Variants in SLC6A8 observed in about 807,000 individuals in gnomAD.
SLC6A8 encodes the protein sodium- and chloride-dependent creatine transporter 1.
Under a neutral mutation model 48.3 loss-of-function variants are expected in SLC6A8, and 6 were observed. The observed-to-expected ratio is 0.12, with a 90% confidence interval of 0.07 to 0.25. The LOEUF is 0.25. SLC6A8 is among the 10% of genes least tolerant of loss of function. The probability of loss-of-function intolerance (pLI) is 1.00; values close to 1 mark genes in which losing one functional copy is unlikely to be tolerated. For synonymous variants in SLC6A8, 245 were observed against 244.0 expected (o/e 1.00, Z -0.04); for missense variants, 260 against 551.5 (o/e 0.47, Z 5.29).
In SLC6A8 at chrX:153,695,419, T is replaced by C. The variant is rs782756960; in HGVS notation, c.*205T>C. On this transcript the variant is annotated 3_prime_UTR_variant, in exon 13 of 13. Transcript: ENST00000253122. ...CAAAAATATCACAACCCACCAAAAATAGATGCCTCTCCCCCTCCAGCCCTA... is the reference window on the plus strand; with the variant it reads ...CAAAAATATCACAACCCACCAAAAACAGATGCCTCTCCCCCTCCAGCCCTA... 1 of 451,685 alleles carries C rather than the reference T, an allele frequency of 2.2e-6. No homozygotes were observed. 37.2% of individuals were successfully genotyped at this position (451,685 alleles called of 1,213,427 possible).
intron 4 of SLC6A8, 172 bp from the exon 5 acceptor site, chrX:153,692,869 C>T: frequency 1.6e-6 from 1 of 631,734 alleles, no homozygotes; most frequent in South Asian, 2.4e-5. Flanking sequence ...CTGCACTTGG[C>T]CAGGGCTGCC....
Position 153,695,131 on chromosome X carries a change from C to T in SLC6A8, c.1825C>T (p.Gln609Ter). 8.3e-7 allele frequency: 1 copy of T among 1,202,358 alleles called. No individual in the cohort carries two copies. Among genetic ancestry groups the T allele is most frequent in the East Asian group, 3.0e-5 (1 of 33,524 alleles). Reference protein sequence around the residue: ...WGLHHLEYRAQDADVRGLTTL... With the variant: ...WGLHHLEYRA ...CCTCCACCACTTGGAGTACCGAGCT[C>T]AGGACGCAGATGTCAGGGGCCTGAC... The change falls in exon 13 of 13, where the codon CAG becomes TAG. Residue 609 changes from glutamine (Q) to a stop codon, truncating the protein, a stop_gained. Coordinates refer to ENST00000253122, the MANE Select transcript of SLC6A8 (RefSeq NM_005629.4). LOFTEE classifies it high-confidence loss of function.
chrX:153,694,971 C>A, intron 12 of SLC6A8, 82 bp downstream of exon 12: 8 of 1,133,520 alleles, frequency 7.1e-6, no homozygotes, highest in Non-Finnish European at 9.5e-6. Context: ...GGAGTGGCCC[C>A]GACTAGGGTG....
intron 4 of SLC6A8, chrX:153,692,691 C>T (rs1603216262): frequency 2.7e-6 from 1 of 367,413 alleles, no homozygotes; most frequent in South Asian, 2.6e-5. Context: ...CAATATCCCG[C>T]TCCCTGCCTG....
At position 153,696,365 on chromosome X, in the gene SLC6A8, G is replaced by A. The variant is rs1942817376; in HGVS notation, c.*1151G>A. ...CGGCTCCCACGTCCAGGCTTAAGGTGGATGCACTTCCCGCACCTCCAGTCT... is the reference window on the plus strand; with the variant it reads ...CGGCTCCCACGTCCAGGCTTAAGGTAGATGCACTTCCCGCACCTCCAGTCT... On this transcript the variant is annotated 3_prime_UTR_variant, in exon 13 of 13. Transcript: ENST00000253122. 1.5e-5 allele frequency: 5 copies of A among 330,016 alleles called. No individual in the cohort carries two copies. Among genetic ancestry groups the A allele is most frequent in the Non-Finnish European group, 2.9e-5 (5 of 169,740 alleles). The allele number at this position is 330,016 out of a possible 1,213,427, so 27.2% of individuals were successfully genotyped here. A position where few individuals can be genotyped will look rare whatever the true frequency, so the allele number is the denominator to read the frequency against.
chrX:153,694,820 G>T lies in SLC6A8; in HGVS notation c.1698G>T (p.Leu566=), dbSNP rs782287646. The T allele has an allele frequency of 2.5e-6, 3 of 1,210,108 alleles. No homozygotes were observed. In the South Asian group the frequency reaches 5.3e-5, roughly 21 times the overall value. ...AGGCCATGGGCTGGGCCTTCGCCCT[G>T]TCCTCCATGCTGTGCGTGCCGCTGC... ...WGEAMGWAFA[L]SSMLCVPLHL... is the part of the protein sequence containing the mutation. The change falls in exon 12 of 13, where the codon CTG becomes CTT. Residue 566 remains leucine (L), a synonymous_variant. Transcript: ENST00000253122.
intron 6 of SLC6A8, 28 bp downstream of exon 6, chrX:153,693,394 C>CCCTGT: frequency 1.7e-6 from 2 of 1,202,728 alleles, no homozygotes; most frequent in Non-Finnish European, 1.1e-6. Context: ...GCCACCCGTG[C>CCCTGT]CCTGTCCTGC....
chrX:153,695,043 G>C, intron 12 of SLC6A8, 31 bp from the exon 13 acceptor site: 1 of 1,187,441 alleles, frequency 8.4e-7, no homozygotes. Flanking sequence ...AGGTGACCCT[G>C]GGGGCTTCAG....
At chrX:153,692,248 C>G (rs1156368523) in intron 4 of SLC6A8, 141 bp downstream of exon 4, 5 of 634,702 alleles carry the variant, frequency 7.9e-6, no homozygotes, top group Non-Finnish European at 1.0e-5. Context: ...CCAAGCAATG[C>G]TCCCCACCCT....
chrX:153,692,761 C>G (rs782402367), intron 4 of SLC6A8: 13 of 439,995 alleles, frequency 3.0e-5, no homozygotes, highest in Non-Finnish European at 5.4e-5. Flanking sequence ...ACGTGCTCCA[C>G]GCCTCCTGTC....
In SLC6A8 at chrX:153,693,184, G is replaced by A. The variant is rs782694291; in HGVS notation, c.912+9G>A. 134 of 1,209,950 alleles carry A rather than the reference G, an allele frequency of 1.1e-4. 2 individuals are homozygous for A. In the Admixed American group the frequency reaches 2.9e-3, roughly 26 times the overall value. On this transcript the variant is annotated intron_variant, in intron 5 of 12. Transcript: ENST00000253122. ...AGCTGGGGTCCCCTCAGGTGAGGTG[G>A]AGGTGGAGAGGCTGCAGCAGGGCGC...
intron 7 of SLC6A8, 78 bp downstream of exon 7, chrX:153,693,664 A>C: frequency 9.3e-7 from 1 of 1,074,961 alleles, no homozygotes; most frequent in Non-Finnish European, 1.3e-6. Flanking sequence ...CATGCAATAG[A>C]AATGCTGAAA....
rs1167753983 is a variant in SLC6A8, at chrX:153,696,500, G to A, written c.*1286G>A. On this transcript the variant is annotated 3_prime_UTR_variant, in exon 13 of 13. Transcript: ENST00000253122. ...CCCAGACAGAGGCTGCAGGGCTGGG[G>A]CTGGGTGAGGGTGGCGGGCCTGCGG... 3 of 329,842 alleles carry A rather than the reference G, an allele frequency of 9.1e-6. No individual in the cohort carries two copies. Among genetic ancestry groups the A allele is most frequent in the African/African-American group, 2.6e-5 (1 of 38,028 alleles). The allele number at this position is 329,842 out of a possible 1,213,427, so 27.2% of individuals were successfully genotyped here. A position where few individuals can be genotyped will look rare whatever the true frequency, so the allele number is the denominator to read the frequency against.
chrX:153,694,052 G>T (rs782634544), intron 8 of SLC6A8, 35 bp downstream of exon 8: 30 of 1,185,614 alleles, frequency 2.5e-5, no homozygotes, highest in Non-Finnish European at 3.4e-5. Flanking sequence ...GAGCCAGGAG[G>T]GGGGCGGAGG....
rs782334798 is a variant in SLC6A8 at position 153,694,941 on chromosome X, C to G, written c.1767+52C>G. 1.5e-5 allele frequency: 12 copies of G among 820,441 alleles called. No individual in the cohort carries two copies. In the South Asian group the frequency reaches 1.9e-4, roughly 13 times the overall value. 67.6% of individuals were successfully genotyped at this position (820,441 alleles called of 1,213,427 possible). ...CCCTCCCCTGCTGTGAACATTCAAC[C>G]CAGCCTGCTTCCTAGCCAGGGAGTG... On this transcript the variant is annotated intron_variant, in intron 12 of 12. Transcript: ENST00000253122.
intron 8 of SLC6A8, 53 bp downstream of exon 8, chrX:153,694,070 G>A (rs781994538): frequency 2.3e-5 from 27 of 1,199,694 alleles, no homozygotes; most frequent in Middle Eastern, 2.7e-4. Context: ...AGGGAGGGCT[G>A]CAGGCAAGGA....
At chrX:153,694,961 G>C in intron 12 of SLC6A8, 72 bp downstream of exon 12, 2 of 1,039,398 alleles carry the variant, frequency 1.9e-6, no homozygotes, top group South Asian at 4.0e-5. Context: ...TCCTAGCCAG[G>C]GAGTGGCCCC....
Position 153,696,334 on chromosome X carries a change from T to C in SLC6A8, c.*1120T>C, listed in dbSNP as rs1557046184. 3.0e-6 allele frequency: 1 copy of C among 329,428 alleles called. No homozygotes were observed. The allele number at this position is 329,428 out of a possible 1,213,427, so 27.1% of individuals were successfully genotyped here. On this transcript the variant is annotated 3_prime_UTR_variant, in exon 13 of 13. Coordinates refer to ENST00000253122, the MANE Select transcript of SLC6A8 (RefSeq NM_005629.4). ...GGGGCACACCCCCAGGAAGGGACCCTGGACACGGCTCCCACGTCCAGGCTT... is the reference window on the plus strand; with the variant it reads ...GGGGCACACCCCCAGGAAGGGACCCCGGACACGGCTCCCACGTCCAGGCTT...
At position 153,696,450 on chromosome X, in the gene SLC6A8, G is replaced by A. The variant is rs1187300042; in HGVS notation, c.*1236G>A. 3.0e-6 allele frequency: 1 copy of A among 330,528 alleles called. No individual in the cohort carries two copies. Among genetic ancestry groups the A allele is most frequent in the African/African-American group, 2.6e-5 (1 of 38,039 alleles). 27.2% of individuals were successfully genotyped at this position (330,528 alleles called of 1,213,427 possible). ...ACGTCCAGTCCCGAGACGGCTGAGT[G>A]ACCCCAAGAAAGGCTTCCCCGACAC... On this transcript the variant is annotated 3_prime_UTR_variant, in exon 13 of 13. Coordinates refer to ENST00000253122, the MANE Select transcript of SLC6A8 (RefSeq NM_005629.4).
Sources: allele counts gnomAD v4.1 joint callset, GRCh38; gene constraint gnomAD v4.1.1; transcripts MANE v1.5; gene names NCBI Gene and HGNC (gene_info 2026-07-23, HGNC 2026-07-21).